Variants in PDE4D observed in about 807,000 individuals in gnomAD.
The protein encoded by PDE4D is 3',5'-cyclic-AMP phosphodiesterase 4D.
PDE4D carries 24 observed loss-of-function variants against 87.4 expected under a neutral mutation model. The ratio of observed to expected loss-of-function variants is 0.27; its 90% CI spans 0.20 to 0.39. The LOEUF (loss-of-function observed/expected upper bound fraction) is 0.39. Ranked by LOEUF, PDE4D falls within the 10% of genes least tolerant of loss-of-function variation. The pLI is 1.00. For missense variants in PDE4D, 714 were observed against 1,041.0 expected, an observed-to-expected ratio of 0.69 and a Z score of 4.32; for synonymous variants, 384 against 383.2, an observed-to-expected ratio of 1.00 and a Z score of -0.02.
At chr5:59,678,680 GT>G (rs776407438) in intron 1 of PDE4D, among the ~76,000 whole-genome samples, 16 of 152,118 alleles carry the variant, frequency 1.1e-4, no homozygotes, top group Non-Finnish European at 2.2e-4. Flanking sequence ...GGTCAGGCTG[GT>G]CTTAAATTTC....
At chr5:59,994,465 G>A (rs1763331524) in intron 2 of PDE4D, among the ~76,000 whole-genome samples, 1 of 152,100 alleles carries the variant, frequency 6.6e-6, no homozygotes, top group African/African-American at 2.4e-5. Flanking sequence ...CACATCTCCA[G>A]ACTCCCTTAC....
chr5:60,381,032 A>C (rs1216490921), intron 1 of PDE4D, among the ~76,000 whole-genome samples: 1 of 152,230 alleles, frequency 6.6e-6, no homozygotes, highest in Non-Finnish European at 1.5e-5. Context: ...GACTGAACTT[A>C]GGCCAGCTCC....
intron 1 of PDE4D, among the ~76,000 whole-genome samples, chr5:59,565,854 T>C (rs1444486519): frequency 6.6e-6 from 1 of 151,712 alleles, no homozygotes; most frequent in Non-Finnish European, 1.5e-5. Flanking sequence ...AATTGAGAAA[T>C]GGAGGGAGAG....
chr5:59,552,615 C>T (rs1818306284), intron 1 of PDE4D, among the ~76,000 whole-genome samples: 1 of 152,140 alleles, frequency 6.6e-6, no homozygotes, highest in Non-Finnish European at 1.5e-5. Context: ...TATTTCACTG[C>T]ATCCTTTTAA....
At chr5:59,351,694 AT>A (rs1312409851) in intron 1 of PDE4D, among the ~76,000 whole-genome samples, 2 of 152,174 alleles carry the variant, frequency 1.3e-5, no homozygotes, top group Non-Finnish European at 2.9e-5. Flanking sequence ...CTTCTTTTTA[AT>A]ATAAAAATAC....
chr5:59,360,250 G>A (rs999465876), intron 1 of PDE4D, among the ~76,000 whole-genome samples: 13 of 152,114 alleles, frequency 8.5e-5, no homozygotes, highest in African/African-American at 2.4e-4. Context: ...ACAGGCATAC[G>A]GAAGAGACGA....
chr5:60,301,328 A>T (rs1753871890), intron 1 of PDE4D, among the ~76,000 whole-genome samples: 1 of 152,184 alleles, frequency 6.6e-6, no homozygotes, highest in Admixed American at 6.5e-5. Context: ...CACAATATTG[A>T]TTCTTCCCAT....
At chr5:59,027,612 C>G (rs1218472555) in intron 6 of PDE4D, among the ~76,000 whole-genome samples, 1 of 152,086 alleles carries the variant, frequency 6.6e-6, no homozygotes, top group African/African-American at 2.4e-5. Context: ...TATTTTCTTG[C>G]TCAAATTGTT....
chr5:59,526,416 G>A (rs1813142852), intron 1 of PDE4D, among the ~76,000 whole-genome samples: 1 of 152,172 alleles, frequency 6.6e-6, no homozygotes, highest in Non-Finnish European at 1.5e-5. Flanking sequence ...ACTGAAACTG[G>A]AGAGGATATG....
At chr5:60,319,559 C>T (rs113457032) in intron 1 of PDE4D, among the ~76,000 whole-genome samples, 2 of 152,138 alleles carry the variant, frequency 1.3e-5, no homozygotes, top group Non-Finnish European at 2.9e-5. Flanking sequence ...AGGAGAGGTG[C>T]TCTGATTTTT....
At chr5:59,801,151 G>A (rs1223648336) in intron 1 of PDE4D, among the ~76,000 whole-genome samples, 1 of 152,128 alleles carries the variant, frequency 6.6e-6, no homozygotes, top group Non-Finnish European at 1.5e-5. Context: ...AATCAAAGAC[G>A]AGACTGAGAA....
At chr5:60,185,755 T>A in intron 1 of PDE4D, 1 of 525,628 alleles carries the variant, frequency 1.9e-6, no homozygotes, top group Non-Finnish European at 3.5e-6. Flanking sequence ...AATGCTGTCT[T>A]AGACTGGGAC....
chr5:59,243,512 T>G (rs1016647498), intron 1 of PDE4D, among the ~76,000 whole-genome samples: 19 of 127,484 alleles, frequency 1.5e-4, no homozygotes, highest in Admixed American at 1.0e-4. Context: ...CAGGCTGGAG[T>G]GCAGTGGAGT....
At chr5:59,232,838 A>G (rs1755538705) in intron 1 of PDE4D, among the ~76,000 whole-genome samples, 1 of 151,944 alleles carries the variant, frequency 6.6e-6, no homozygotes, top group Admixed American at 6.6e-5. Context: ...ACACACACAC[A>G]TACACATACA....
chr5:60,404,163 T>A (rs1175618575), intron 1 of PDE4D, among the ~76,000 whole-genome samples: 6 of 56,104 alleles, frequency 1.1e-4, no homozygotes, highest in Admixed American at 6.2e-4. Flanking sequence ...AGCCAATTCT[T>A]TTTTTTTTTT....
intron 1 of PDE4D, among the ~76,000 whole-genome samples, chr5:59,836,114 G>C (rs1390873382): frequency 6.6e-6 from 1 of 151,990 alleles, no homozygotes; most frequent in African/African-American, 2.4e-5. Flanking sequence ...CAAAGGTTTA[G>C]AACAGTGCCT....
chr5:60,440,102 T>C (rs1269390438), intron 1 of PDE4D, among the ~76,000 whole-genome samples: 1 of 152,052 alleles, frequency 6.6e-6, no homozygotes, highest in African/African-American at 2.4e-5. Context: ...CTTCAGAGTC[T>C]TTGCGAGGTA....
intron 2 of PDE4D, among the ~76,000 whole-genome samples, chr5:60,054,136 A>T (rs1481365432): frequency 1.3e-5 from 2 of 152,184 alleles, no homozygotes; most frequent in Non-Finnish European, 2.9e-5. Context: ...GCAATTCCTC[A>T]AGGATCTAGA....
At chr5:59,273,832 C>A (rs1764306955) in intron 1 of PDE4D, among the ~76,000 whole-genome samples, 1 of 152,050 alleles carries the variant, frequency 6.6e-6, no homozygotes, top group Non-Finnish European at 1.5e-5. Context: ...TAAAAATAGA[C>A]TATGATAATC....
Sources: allele counts gnomAD v4.1 joint callset (sites outside exome capture counted in the v4.1 genomes callset), GRCh38; gene constraint gnomAD v4.1.1; transcripts MANE v1.5; gene names NCBI Gene and HGNC (gene_info 2026-07-23, HGNC 2026-07-21).